SLC30A6: variants seen among roughly 807,000 people sequenced by gnomAD.
The protein encoded by SLC30A6 is zinc transporter 6.
Under a neutral mutation model 63.0 loss-of-function variants are expected in SLC30A6, and 55 were observed. The ratio of observed to expected loss-of-function variants is 0.87; its 90% confidence interval spans 0.70 to 1.09. The LOEUF (loss-of-function observed/expected upper bound fraction) is 1.09. Among genes scored for constraint, SLC30A6 ranks in the 50% least tolerant of loss-of-function variants. The pLI is 0.00. For missense variants in SLC30A6, 587 were observed against 549.2 expected, an observed-to-expected ratio of 1.07 and a Z score of -0.69; for synonymous variants, 224 against 186.1, an observed-to-expected ratio of 1.20 and a Z score of -1.66.
intron 4 of SLC30A6, among the ~76,000 whole-genome samples, chr2:32,176,132 C>T (rs897547245): frequency 2.8e-4 from 42 of 151,312 alleles, no homozygotes; most frequent in Admixed American, 2.7e-3. Flanking sequence ...AAGACAAAGA[C>T]CAAGAAAAAG....
chr2:32,208,926 G>A (rs987088578), intron 12 of SLC30A6, among the ~76,000 whole-genome samples: 1 of 152,210 alleles, frequency 6.6e-6, no homozygotes, highest in Non-Finnish European at 1.5e-5. Flanking sequence ...CAGTGTGACA[G>A]AGGCCACTTT....
chr2:32,201,499 C>G, intron 10 of SLC30A6: 1 of 504,774 alleles, frequency 2.0e-6, no homozygotes, highest in Non-Finnish European at 3.5e-6. Context: ...TGACACACAG[C>G]CACGGCTGAG....
intron 5 of SLC30A6, among the ~76,000 whole-genome samples, chr2:32,187,662 T>C (rs1396757462): frequency 6.6e-6 from 1 of 152,234 alleles, no homozygotes; most frequent in Non-Finnish European, 1.5e-5. Context: ...TTCACACGGA[T>C]GTCTAATTGG....
intron 1 of SLC30A6, among the ~76,000 whole-genome samples, chr2:32,167,711 G>A (rs1353275964): frequency 2.6e-5 from 4 of 151,978 alleles, no homozygotes; most frequent in African/African-American, 7.3e-5. Flanking sequence ...TGCACAAAAC[G>A]AATACATACA....
Position 32,184,283 on chromosome 2 carries a change from T to C in SLC30A6, c.229T>C (p.Cys77Arg), listed in dbSNP as rs1423020571. 6.5e-7 allele frequency: 1 copy of C among 1,538,530 alleles called. No individual in the cohort carries two copies. The highest frequency in any genetic ancestry group is 2.3e-5 in the East Asian group (1 of 43,234). ...TTTCTTTTTACTTAGTTTAATGACA[T>C]GTTTAATAAGTTACTGGGTAACATT... ...TIFDLFSLMT[C>R]LISYWVTLRK... The change falls in exon 5 of 14, where the codon TGT becomes CGT. Residue 77 changes from cysteine to arginine, a missense_variant. Physicochemically the swap from Cys to Arg is radical, Grantham distance 180. Transcript: ENST00000282587.
In SLC30A6 at chr2:32,182,150, G is replaced by C. The variant is rs531777488; in HGVS notation, c.219-2123G>C. On this transcript the variant is annotated intron_variant, in intron 4 of 13. Transcript: ENST00000282587. ...GGGTCTCGACATGTTGCCTAGGCTG[G>C]TCTTGTACTCTTGGGCTCTCAAGTG... Among the ~76,000 whole-genome samples, 31 of 151,886 alleles carry C rather than the reference G, an allele frequency of 2.0e-4. 1 individual carries two copies. The South Asian group carries it at 6.0e-3, about 30-fold the overall frequency.
intron 5 of SLC30A6, chr2:32,187,157 C>T (rs780498430): frequency 5.7e-5 from 27 of 470,704 alleles, no homozygotes; most frequent in South Asian, 4.2e-4. Flanking sequence ...CCCAGGCCTG[C>T]TTTTCTCTGC....
At position 32,175,299 on chromosome 2, in the gene SLC30A6, A is replaced by T. The variant is rs767343787; in HGVS notation, c.176-20A>T. ...AGAGGGGTCAGTAATACTTTTAATC[A>T]TTTTTTTGTTGTTTTGCAGCTTTAA... On this transcript the variant is annotated intron_variant, in intron 3 of 13. Coordinates refer to ENST00000282587, the MANE Select transcript of SLC30A6 (RefSeq NM_017964.5). The T allele has an allele frequency of 7.5e-6, 12 of 1,608,014 alleles. No homozygotes were observed. The African/African-American group carries it at 1.1e-4, about 14-fold the overall frequency.
At chr2:32,173,054 T>A (rs1681376960) in intron 2 of SLC30A6, among the ~76,000 whole-genome samples, 1 of 152,190 alleles carries the variant, frequency 6.6e-6, no homozygotes, top group Admixed American at 6.5e-5. Flanking sequence ...ATTGTTCTGT[T>A]TCTTACATCA....
intron 13 of SLC30A6, among the ~76,000 whole-genome samples, chr2:32,214,882 A>G (rs911604786): frequency 1.3e-5 from 2 of 152,224 alleles, no homozygotes; most frequent in Non-Finnish European, 1.5e-5. Flanking sequence ...ACAACTGTGA[A>G]TGGTAGTGGC....
intron 6 of SLC30A6, among the ~76,000 whole-genome samples, chr2:32,192,633 T>G (rs1038330208): frequency 6.6e-6 from 1 of 152,060 alleles, no homozygotes; most frequent in African/African-American, 2.4e-5. Flanking sequence ...GAAGTGGTTG[T>G]GAATGAAACA....
chr2:32,184,325 G>T lies in SLC30A6; in HGVS notation c.271G>T (p.Val91Phe). Residue 91 changes from valine (V) to phenylalanine (F), a missense_variant, in exon 5 of 14, where the codon GTC (valine) becomes TTC (phenylalanine). By Grantham distance (50) the Val-to-Phe change is conservative. Transcript: ENST00000282587. Reference sequence around the variant, plus strand: ...GGTAACATTGAGGAAACCTAGCCCTGTCTATTCATTTGGGTAAGTTCAAAT... The same window carrying T: ...GGTAACATTGAGGAAACCTAGCCCTTTCTATTCATTTGGGTAAGTTCAAAT... ...YWVTLRKPSP[V>F]YSFGFERLEV... The T allele has an allele frequency of 1.3e-6, 2 of 1,501,336 alleles. No individual in the cohort carries two copies. The highest frequency in any genetic ancestry group is 9.0e-7 in the Non-Finnish European group (1 of 1,116,064). The allele number at this position is 1,501,336 out of a possible 1,614,324, so 93.0% of individuals were successfully genotyped here.
At chr2:32,171,165 A>G in intron 1 of SLC30A6, 122 bp from the exon 2 acceptor site, 1 of 661,962 alleles carries the variant, frequency 1.5e-6, no homozygotes, top group Non-Finnish European at 2.6e-6. Flanking sequence ...TAAGTGCTTG[A>G]TGTATATTGA....
Position 32,220,575 on chromosome 2 carries a change from A to G in SLC30A6, c.1248A>G (p.Gly416=). 1 of 1,614,230 alleles carries G rather than the reference A, an allele frequency of 6.2e-7. No individual in the cohort carries two copies. Among genetic ancestry groups the G allele is most frequent in the East Asian group, 2.2e-5 (1 of 44,886 alleles). Residue 416 remains glycine (G), a synonymous_variant, in exon 14 of 14, where the codon GGA becomes GGG. Coordinates refer to ENST00000282587, the MANE Select transcript of SLC30A6 (RefSeq NM_017964.5). ...TRPYGFGLNH[G]HTPYSSMLNQ... ...CTTATGGTTTTGGTCTCAATCATGG[A>G]CACACACCTTACAGCAGCATGCTTA...
rs969246505 is a variant in SLC30A6, at chr2:32,201,697, A to G, written c.666-2893A>G. The G allele has an allele frequency of 3.5e-6, 5 of 1,438,862 alleles. No homozygotes were observed. The African/African-American group carries it at 4.2e-5, about 12-fold the overall frequency. The allele number at this position is 1,438,862 out of a possible 1,614,324, so 89.1% of individuals were successfully genotyped here. On this transcript the variant is annotated intron_variant, in intron 10 of 13. Coordinates refer to ENST00000282587, the MANE Select transcript of SLC30A6 (RefSeq NM_017964.5). ...AAGGAGAGGCAGAAGAGCTTTATGG[A>G]TATCACAGTTTCGGCTAATGGATTA...
At position 32,224,153 on chromosome 2, in the gene SLC30A6, CAT is replaced by C; in HGVS notation, c.*3443_*3444del. 1 of 203,910 alleles carries C rather than the reference CAT, an allele frequency of 4.9e-6. No homozygotes were observed. Among genetic ancestry groups the C allele is most frequent in the Non-Finnish European group, 9.8e-6 (1 of 102,024 alleles). 12.6% of individuals were successfully genotyped at this position (203,910 alleles called of 1,614,324 possible). A position where few individuals can be genotyped will look rare whatever the true frequency, so the allele number is the denominator to read the frequency against. On this transcript the variant is annotated 3_prime_UTR_variant, in exon 14 of 14. Transcript: ENST00000282587. ...TTCAGTAGCTATTAATAATTTATCT[CAT>C]ATTCAGCGAATATTTATTGAGAATA...
chr2:32,218,464 A>G (rs1385543329), intron 13 of SLC30A6, among the ~76,000 whole-genome samples: 4 of 150,700 alleles, frequency 2.7e-5, no homozygotes, highest in Admixed American at 6.6e-5. Flanking sequence ...CTGGAATATG[A>G]TATATCTGTC....
In SLC30A6 at chr2:32,191,454, G is replaced by A. The variant is rs527292980; in HGVS notation, c.285-882G>A. Reference sequence around the variant, plus strand: ...TGATTATTTTCTTGAAAAATTTTAAGCATTTATACTTACCATAAATATTGA... The same window carrying A: ...TGATTATTTTCTTGAAAAATTTTAAACATTTATACTTACCATAAATATTGA... On this transcript the variant is annotated intron_variant, in intron 5 of 13. Transcript: ENST00000282587. 7.2e-5 allele frequency among the ~76,000 whole-genome samples: 11 copies of A among 152,092 alleles called. No individual in the cohort carries two copies. The South Asian group carries it at 8.3e-4, about 11-fold the overall frequency.
At chr2:32,185,711 T>C (rs1682740903) in intron 5 of SLC30A6, among the ~76,000 whole-genome samples, 1 of 152,012 alleles carries the variant, frequency 6.6e-6, no homozygotes. Flanking sequence ...TTTTAAAAAA[T>C]ATTATTTTTA....
Sources: allele counts gnomAD v4.1 joint callset (sites outside exome capture counted in the v4.1 genomes callset), GRCh38; gene constraint gnomAD v4.1.1; transcripts MANE v1.5; gene names NCBI Gene and HGNC (gene_info 2026-07-23, HGNC 2026-07-21).